Variants in ANK1 observed in about 807,000 individuals in gnomAD.
The protein encoded by ANK1 is ankyrin-1.
A neutral mutation model predicts 210.4 loss-of-function variants in ANK1; 51 were observed. That is an observed-to-expected ratio of 0.24 (90% CI 0.19 to 0.31). ANK1 has a LOEUF of 0.31. Ranked by LOEUF, ANK1 falls within the 10% of genes least tolerant of loss-of-function variation. The pLI is 1.00. For missense variants in ANK1, 2,051 were observed against 2,504.4 expected (o/e 0.82, Z 3.86); for synonymous variants, 967 against 1,025.9 (o/e 0.94, Z 1.10).
At chr8:41,891,893 A>C (rs773641811) in intron 1 of ANK1, among the ~76,000 whole-genome samples, 2 of 152,264 alleles carry the variant, frequency 1.3e-5, no homozygotes, top group African/African-American at 4.8e-5. Flanking sequence ...ATACAACATA[A>C]GTATGCTAAT....
intron 1 of ANK1, among the ~76,000 whole-genome samples, chr8:41,831,654 AAG>A (rs1491053979): frequency 6.2e-5 from 7 of 113,668 alleles, no homozygotes; most frequent in South Asian, 2.6e-4. Flanking sequence ...AAAAAAAAAA[AAG>A]AAGAAGAAAA....
chr8:41,842,123 C>T (rs75926974), intron 1 of ANK1, among the ~76,000 whole-genome samples: 1 of 152,200 alleles, frequency 6.6e-6, no homozygotes, highest in South Asian at 2.1e-4. Flanking sequence ...GGAGGCAGCA[C>T]CCCAGGAGGC....
At position 41,706,202 on chromosome 8, in the gene ANK1, G is replaced by C; in HGVS notation, c.2038C>G (p.His680Asp). ...ATCAGCACATCTGCCACTGGAACGT[G>C]GCCTTCTTGTGCTACCAGATGGAGG... ...TPLHLVAQEG[H>D]VPVADVLIKH... The change falls in exon 18 of 43, where the codon CAC becomes GAC. Residue 680 changes from histidine (H) to aspartate (D), a missense_variant. By Grantham distance (81) the His-to-Asp change is moderately conservative (BLOSUM62 -1). Around this residue, in one of 6 missense-constraint regions of ANK1, gnomAD observed 1,413 missense variants for 1,707.4 expected, o/e 0.83. Coordinates refer to ENST00000289734, the MANE Select transcript of ANK1 (RefSeq NM_000037.4). The C allele has an allele frequency of 6.2e-7, 1 of 1,614,166 alleles. No homozygotes were observed. Among genetic ancestry groups the C allele is most frequent in the Non-Finnish European group, 8.5e-7 (1 of 1,180,010 alleles).
intron 1 of ANK1, among the ~76,000 whole-genome samples, chr8:41,852,195 G>A (rs758550757): frequency 4.6e-5 from 7 of 152,190 alleles, no homozygotes; most frequent in Non-Finnish European, 8.8e-5. Context: ...AGGAGGTCAC[G>A]GCGATGCCTT....
chr8:41,740,132 C>T (rs1427115293), intron 2 of ANK1, among the ~76,000 whole-genome samples: 2 of 149,846 alleles, frequency 1.3e-5, no homozygotes, highest in African/African-American at 2.5e-5. Context: ...AGTAGTCGAC[C>T]CCTGCTTGTT....
chr8:41,695,133 C>T (rs1241629597), intron 27 of ANK1, 44 bp downstream of exon 27: 2 of 1,613,114 alleles, frequency 1.2e-6, no homozygotes, highest in African/African-American at 2.7e-5. Context: ...TCAAACCCCT[C>T]TTCCGCAAGG....
At chr8:41,826,080 G>A (rs1805318209) in intron 1 of ANK1, among the ~76,000 whole-genome samples, 2 of 152,176 alleles carry the variant, frequency 1.3e-5, no homozygotes, top group African/African-American at 2.4e-5. Context: ...AATCCAAAGA[G>A]GCCTGATGAC....
At chr8:41,761,769 T>C (rs1840519398) in intron 1 of ANK1, among the ~76,000 whole-genome samples, 1 of 152,060 alleles carries the variant, frequency 6.6e-6, no homozygotes, top group Non-Finnish European at 1.5e-5. Flanking sequence ...GCGCTTCACG[T>C]CTTCACCACT....
At chr8:41,678,289 C>T (rs982508551) in intron 37 of ANK1, among the ~76,000 whole-genome samples, 4 of 152,098 alleles carry the variant, frequency 2.6e-5, no homozygotes, top group Non-Finnish European at 4.4e-5. Context: ...CAGTCATGCA[C>T]CAGCATGCCT....
rs761663144 is a variant in ANK1, at chr8:41,692,642, T to G, written c.3858+6A>C. The stretch of plus-strand genomic sequence containing the variant: ...CCAGAGGCGGTGCAGGGCCCAGCCC[T>G]GTTACCTCTATGTCCCTGCTCCGGG... On this transcript the variant is annotated splice_donor_region_variant and intron_variant, in intron 31 of 42. Transcript: ENST00000289734. The G allele has an allele frequency of 1.1e-5, 17 of 1,611,904 alleles. 1 individual carries two copies. Among genetic ancestry groups the G allele is most frequent in the Admixed American group, 1.7e-5 (1 of 60,020 alleles).
rs189030230 is a variant in ANK1 at position 41,813,181 on chromosome 8, C to A, written c.127-55044G>T. Among the ~76,000 whole-genome samples the A allele has an allele frequency of 3.7e-3, 565 of 152,304 alleles. 4 individuals are homozygous for A. The highest frequency in any genetic ancestry group is 0.013 in the African/African-American group (533 of 41,562). On this transcript the variant is annotated intron_variant, in intron 1 of 42. Transcript: ENST00000265709. ...CATTTTGCAGTTTGAATGTCTCTGG[C>A]GATCTAAGTGGCCCACAGGGCAATA... is the stretch of plus-strand genomic sequence containing the variant.
At position 41,728,231 on chromosome 8, in the gene ANK1, CAAGAGCCATAAAAAAG is replaced by C. The variant is rs1351501071; in HGVS notation, c.229-241_229-226del. Among the ~76,000 whole-genome samples the C allele has an allele frequency of 5.3e-5, 8 of 152,258 alleles. No individual in the cohort carries two copies. The East Asian group carries it at 1.5e-3, about 29-fold the overall frequency. ...CTGTTCTCTATGACAAACAATGCTG[CAAGAGCCATAAAAAAG>C]AAGGAAATCAGGTCTTCCGTAGCAA... On this transcript the variant is annotated intron_variant, in intron 3 of 42. Coordinates refer to ENST00000289734, the MANE Select transcript of ANK1 (RefSeq NM_000037.4).
At chr8:41,832,255 C>A (rs11995448) in intron 1 of ANK1, among the ~76,000 whole-genome samples, 2 of 152,136 alleles carry the variant, frequency 1.3e-5, no homozygotes, top group Non-Finnish European at 2.9e-5. Flanking sequence ...AGGGGAGAGA[C>A]GGGGAAAGAG....
At chr8:41,801,646 G>A (rs1849881632), upstream of ANK1, among the ~76,000 whole-genome samples, 1 of 152,120 alleles carries the variant, frequency 6.6e-6, no homozygotes, top group African/African-American at 2.4e-5. Flanking sequence ...ATGTTTATGG[G>A]CCATTTACTT....
Position 41,854,790 on chromosome 8 carries a change from G to T in ANK1, c.126+41565C>A, listed in dbSNP as rs564243936. ...CCCAAATCTCTACAAGAAAAAAATT[G>T]TTTTTTTAAATTAGTCAGGTGTGGT... On this transcript the variant is annotated intron_variant, in intron 1 of 42. Coordinates refer to the ANK1 transcript ENST00000265709. 2.0e-5 allele frequency among the ~76,000 whole-genome samples: 3 copies of T among 152,070 alleles called. No individual in the cohort carries two copies. In the East Asian group the frequency reaches 5.8e-4, roughly 29 times the overall value.
At chr8:41,749,903 C>T (rs1367213281) in intron 2 of ANK1, among the ~76,000 whole-genome samples, 11 of 152,268 alleles carry the variant, frequency 7.2e-5, no homozygotes, top group African/African-American at 2.2e-4. Context: ...TGAGCCACCA[C>T]GCCCAGCCTC....
At chr8:41,838,445 G>A (rs1808199512) in intron 1 of ANK1, among the ~76,000 whole-genome samples, 1 of 152,214 alleles carries the variant, frequency 6.6e-6, no homozygotes, top group African/African-American at 2.4e-5. Context: ...CCAGACTGCT[G>A]TATTATGTTT....
At chr8:41,873,900 C>T (rs1816050666) in intron 1 of ANK1, among the ~76,000 whole-genome samples, 1 of 152,216 alleles carries the variant, frequency 6.6e-6, no homozygotes, top group South Asian at 2.1e-4. Flanking sequence ...CTTGGCTGGA[C>T]AAGTTACTCC....
intron 37 of ANK1, among the ~76,000 whole-genome samples, chr8:41,673,395 C>T (rs1345561285): frequency 6.6e-6 from 1 of 152,140 alleles, no homozygotes; most frequent in African/African-American, 2.4e-5. Flanking sequence ...GAAGGAAAGG[C>T]CACCCAGAAC....
Sources: gnomAD v4.1 joint callset for allele counts (sites outside exome capture counted in the v4.1 genomes callset) on GRCh38, gnomAD v4.1.1 for gene constraint, gnomAD v4.1.1 regional missense constraint, MANE v1.5 for transcripts, NCBI Gene and HGNC (gene_info 2026-07-23, HGNC 2026-07-21) for gene names.